BCL2L13: variants seen among roughly 807,000 people sequenced by gnomAD.
BCL2L13 encodes the protein BCL2 like 13.
A neutral mutation model predicts 25.8 loss-of-function variants in BCL2L13; 13 were observed. The ratio of observed to expected loss-of-function variants is 0.50; its 90% CI spans 0.33 to 0.80. The LOEUF (loss-of-function observed/expected upper bound fraction) is 0.80, where lower values mean the gene tolerates loss of function less well. Among genes scored for constraint, BCL2L13 ranks in the 30% least tolerant of loss-of-function variants. The probability of loss-of-function intolerance (pLI) is 0.02; values close to 1 mark genes in which losing one functional copy is unlikely to be tolerated. For missense variants in BCL2L13, 504 were observed against 574.9 expected, an observed-to-expected ratio of 0.88 and a Z score of 1.26; for synonymous variants, 244 against 230.3, an observed-to-expected ratio of 1.06 and a Z score of -0.54.
At chr22:17,671,519 A>T (rs2587068) in intron 2 of BCL2L13, among the ~76,000 whole-genome samples, 102,171 of 149,914 alleles carry the variant, frequency 0.68, 35,254 homozygotes, top group East Asian at 0.85. Flanking sequence ...GTGAGTTGAG[A>T]TCGCGCCATG....
intron 6 of BCL2L13, among the ~76,000 whole-genome samples, chr22:17,710,116 G>C (rs1408528786): frequency 4.6e-5 from 6 of 129,898 alleles, no homozygotes; most frequent in African/African-American, 1.7e-4. Context: ...TTATATTTTT[G>C]TTTTATGTGA....
chr22:17,684,974 T>G (rs560846307), intron 3 of BCL2L13, among the ~76,000 whole-genome samples: 1 of 152,048 alleles, frequency 6.6e-6, no homozygotes, highest in Non-Finnish European at 1.5e-5. Context: ...TGACCTTGTT[T>G]TCTGCCCGCC....
At position 17,648,227 on chromosome 22, in the gene BCL2L13, A is replaced by G. The variant is rs189166030; in HGVS notation, c.-50-7435A>G. On this transcript the variant is annotated intron_variant, in intron 1 of 6. Transcript: ENST00000317582. Reference sequence around the variant, plus strand: ...CCTCTCCCATTTTGTGCTTAGAGACATAACCCTGTAGTAGTGCTGTGGAGT... The same window carrying G: ...CCTCTCCCATTTTGTGCTTAGAGACGTAACCCTGTAGTAGTGCTGTGGAGT... Among the ~76,000 whole-genome samples, 8 of 152,288 alleles carry G rather than the reference A, an allele frequency of 5.3e-5. 1 individual carries two copies. The highest frequency in any genetic ancestry group is 2.6e-4 in the Admixed American group (4 of 15,284).
At chr22:17,661,471 C>G (rs2059064162) in intron 2 of BCL2L13, among the ~76,000 whole-genome samples, 1 of 145,850 alleles carries the variant, frequency 6.9e-6, no homozygotes, top group African/African-American at 2.4e-5. Context: ...TAAAATTTCT[C>G]TAGGTGAAGG....
In BCL2L13 at chr22:17,695,955, A is replaced by G. The variant is rs559068858; in HGVS notation, c.387-186A>G. The G allele has an allele frequency of 2.0e-5, 10 of 507,062 alleles. No individual in the cohort carries two copies. The East Asian group carries it at 2.9e-4, about 15-fold the overall frequency. The allele number at this position is 507,062 out of a possible 1,614,324, so 31.4% of individuals were successfully genotyped here. ...TAACTATTTCCCAGGCATGCATCAC[A>G]GCTTATAGAATGCTTGAAAAAAGTG... On this transcript the variant is annotated intron_variant, in intron 4 of 6. Coordinates refer to ENST00000317582, the MANE Select transcript of BCL2L13 (RefSeq NM_015367.4).
intron 1 of BCL2L13, among the ~76,000 whole-genome samples, chr22:17,651,452 G>A (rs1490581106): frequency 1.3e-5 from 2 of 151,494 alleles, no homozygotes; most frequent in African/African-American, 2.4e-5. Flanking sequence ...ACCGATCTCA[G>A]CTTACTGCAA....
upstream of BCL2L13, among the ~76,000 whole-genome samples, chr22:17,636,229 C>T (rs2058103660): frequency 6.6e-6 from 1 of 150,834 alleles, no homozygotes; most frequent in Non-Finnish European, 1.5e-5. Flanking sequence ...GAGGCTGAGG[C>T]AGGAGAATCA....
intron 6 of BCL2L13, among the ~76,000 whole-genome samples, chr22:17,719,078 C>CAGGAGGCCA (rs1265734119): frequency 7.0e-6 from 1 of 143,136 alleles, no homozygotes; most frequent in Non-Finnish European, 1.5e-5. Context: ...TGCCTGAACC[C>CAGGAGGCCA]AGGAGGCCAA....
intron 3 of BCL2L13, among the ~76,000 whole-genome samples, chr22:17,687,770 G>A (rs2145613313): frequency 6.7e-6 from 1 of 150,006 alleles, no homozygotes; most frequent in South Asian, 2.1e-4. Flanking sequence ...GCCCGCTTCA[G>A]CCTCCCAAAG....
rs550799143 is a variant in BCL2L13, at chr22:17,695,567, G to C, written c.387-574G>C. On this transcript the variant is annotated intron_variant, in intron 4 of 6. Coordinates refer to ENST00000317582, the MANE Select transcript of BCL2L13 (RefSeq NM_015367.4). ...GATCTCCTGACTTCGTGATCCACCT[G>C]CCTCGGCCTCTCAAAGTGCTGGGAT... Among the ~76,000 whole-genome samples the C allele has an allele frequency of 4.7e-4, 71 of 152,152 alleles. 2 individuals are homozygous for C. The highest frequency in any genetic ancestry group is 7.9e-4 in the Non-Finnish European group (54 of 68,000).
intron 1 of BCL2L13, among the ~76,000 whole-genome samples, chr22:17,654,533 C>A (rs1601530140): frequency 6.6e-6 from 1 of 152,048 alleles, no homozygotes; most frequent in Non-Finnish European, 1.5e-5. Context: ...TGCCATTCTC[C>A]TGCCTCAGCC....
intron 3 of BCL2L13, among the ~76,000 whole-genome samples, chr22:17,684,313 A>G (rs916179356): frequency 6.6e-6 from 1 of 152,142 alleles, no homozygotes; most frequent in Non-Finnish European, 1.5e-5. Context: ...TATTTATTAA[A>G]TAAATAATAA....
chr22:17,644,188 G>A (rs571231211), intron 1 of BCL2L13, among the ~76,000 whole-genome samples: 1 of 151,378 alleles, frequency 6.6e-6, no homozygotes, highest in Non-Finnish European at 1.5e-5. Context: ...AGGATTACAG[G>A]CATGAGCAAC....
intron 1 of BCL2L13, among the ~76,000 whole-genome samples, chr22:17,649,101 A>ATTTT (rs1003063155): frequency 7.0e-6 from 1 of 142,568 alleles, no homozygotes; most frequent in African/African-American, 2.6e-5. Context: ...GCCCGGCTCA[A>ATTTT]TTTTTTTTTT....
chr22:17,708,651 A>G (rs957891574), intron 6 of BCL2L13, among the ~76,000 whole-genome samples: 2 of 152,202 alleles, frequency 1.3e-5, no homozygotes, highest in African/African-American at 4.8e-5. Flanking sequence ...AACAAAAAAG[A>G]CGCAGTTCTC....
At chr22:17,715,145 TA>T (rs2060888916) in intron 6 of BCL2L13, among the ~76,000 whole-genome samples, 11 of 9,842 alleles carry the variant, frequency 1.1e-3, no homozygotes, top group East Asian at 2.4e-3. Flanking sequence ...TATATATATA[TA>T]TATATATATA....
chr22:17,630,232 A>C (rs78526352), intron 1 of BCL2L13, among the ~76,000 whole-genome samples: 19 of 151,576 alleles, frequency 1.3e-4, no homozygotes, highest in East Asian at 5.8e-4. Flanking sequence ...AAACAAAAAA[A>C]AAAAAAACAA....
At position 17,717,380 on chromosome 22, in the gene BCL2L13, C is replaced by CAAAAAAAAAAAAAAAAAAAAAAAAAAAA. The variant is rs371314290; in HGVS notation, c.601-9291_601-9290insAAAAAAAAAAAAAAAAAAAAAAAAAAAA. ...GGGGCAACAGAGTGAGACTCTGTCT[C>CAAAAAAAAAAAAAAAAAAAAAAAAAAAA]AAAAAAGATCCAATGTTGTTGTTCC... On this transcript the variant is annotated intron_variant, in intron 6 of 6. Coordinates refer to ENST00000317582, the MANE Select transcript of BCL2L13 (RefSeq NM_015367.4). 2.5e-4 allele frequency among the ~76,000 whole-genome samples: 31 copies of CAAAAAAAAAAAAAAAAAAAAAAAAAAAA among 126,176 alleles called. 1 individual carries two copies. The highest frequency in any genetic ancestry group is 8.5e-4 in the African/African-American group (24 of 28,212). The allele number at this position is 126,176 out of a possible 152,430, so 82.8% of individuals were successfully genotyped here.
intron 1 of BCL2L13, among the ~76,000 whole-genome samples, chr22:17,630,909 C>T (rs1017173973): frequency 2.6e-5 from 4 of 151,258 alleles, no homozygotes; most frequent in African/African-American, 9.7e-5. Context: ...TTTTTAATAA[C>T]CTTACTTTTT....
Sources: allele counts gnomAD v4.1 joint callset (sites outside exome capture counted in the v4.1 genomes callset), GRCh38; gene constraint gnomAD v4.1.1; transcripts MANE v1.5; gene names NCBI Gene and HGNC (gene_info 2026-07-23, HGNC 2026-07-21).